Variants in NRP2 observed in about 807,000 individuals in gnomAD.
NRP2 encodes the protein neuropilin 2, also known as neuropilin-2.
NRP2 carries 52 observed loss-of-function variants against 110.4 expected under a neutral mutation model. That is an observed-to-expected ratio of 0.47 (90% CI 0.38 to 0.59). The LOEUF (loss-of-function observed/expected upper bound fraction) is 0.59, where lower values mean the gene tolerates loss of function less well. Among genes scored for constraint, NRP2 ranks in the 20% least tolerant of loss-of-function variants. The probability of loss-of-function intolerance (pLI) is 0.00; values close to 1 mark genes in which losing one functional copy is unlikely to be tolerated. For missense variants in NRP2, 1,049 were observed against 1,203.0 expected (o/e 0.87, Z 1.89); for synonymous variants, 508 against 468.9 (o/e 1.08, Z -1.08).
At chr2:205,784,160 C>T (rs936182581) in intron 15 of NRP2, among the ~76,000 whole-genome samples, 2 of 152,184 alleles carry the variant, frequency 1.3e-5, no homozygotes, top group Non-Finnish European at 2.9e-5. Context: ...ATACCAGTTT[C>T]TTTCTCCAGC....
chr2:205,706,889 G>A (rs1200961737), intron 2 of NRP2, among the ~76,000 whole-genome samples: 2 of 152,128 alleles, frequency 1.3e-5, no homozygotes, highest in African/African-American at 4.8e-5. Flanking sequence ...TCCACTGGTC[G>A]CTACAATATT....
chr2:205,770,915 C>T (rs2058012453), intron 15 of NRP2, among the ~76,000 whole-genome samples: 1 of 152,178 alleles, frequency 6.6e-6, no homozygotes, highest in Non-Finnish European at 1.5e-5. Flanking sequence ...TTCGCTGGAG[C>T]ATGCCACCTC....
intron 2 of NRP2, chr2:205,697,967 A>G (rs183012662): frequency 8.5e-5 from 46 of 539,606 alleles, no homozygotes; most frequent in African/African-American, 8.2e-4. Context: ...ACCTACCTCC[A>G]AAGGCCGGTA....
At chr2:205,780,793 C>T (rs902717957) in intron 15 of NRP2, among the ~76,000 whole-genome samples, 4 of 152,184 alleles carry the variant, frequency 2.6e-5, no homozygotes, top group Non-Finnish European at 4.4e-5. Context: ...CCAAGTGCTG[C>T]TAAAAGGAGA....
intron 7 of NRP2, among the ~76,000 whole-genome samples, chr2:205,737,467 C>T (rs1168810870): frequency 6.6e-6 from 1 of 152,196 alleles, no homozygotes; most frequent in Non-Finnish European, 1.5e-5. Context: ...CACTTATGAG[C>T]TAATTAGCCG....
intron 15 of NRP2, chr2:205,768,384 G>A (rs1314179259): frequency 2.0e-5 from 3 of 152,256 alleles, no homozygotes; most frequent in South Asian, 2.1e-4. Context: ...TGTTTCGCCT[G>A]ACTCTCTTTG....
At chr2:205,710,887 A>G (rs1222198901) in intron 2 of NRP2, among the ~76,000 whole-genome samples, 1 of 152,236 alleles carries the variant, frequency 6.6e-6, no homozygotes, top group Non-Finnish European at 1.5e-5. Context: ...TGGAACTTTG[A>G]AAGTGTGAGA....
At chr2:205,683,901 G>A (rs2056079689) in intron 1 of NRP2, among the ~76,000 whole-genome samples, 1 of 152,318 alleles carries the variant, frequency 6.6e-6, no homozygotes, top group African/African-American at 2.4e-5. Flanking sequence ...GGCTCAGGCT[G>A]GTGGAGCAAG....
At chr2:205,685,569 G>A (rs2056131542) in intron 1 of NRP2, among the ~76,000 whole-genome samples, 1 of 152,156 alleles carries the variant, frequency 6.6e-6, no homozygotes, top group African/African-American at 2.4e-5. Flanking sequence ...GTCGCGGCGC[G>A]CGGCACCTTG....
intron 13 of NRP2, 103 bp from the exon 14 acceptor site, chr2:205,765,369 TAC>T: frequency 1.7e-5 from 12 of 710,410 alleles, no homozygotes; most frequent in Non-Finnish European, 2.9e-5. Flanking sequence ...CACACACACA[TAC>T]ACACACACGC....
chr2:205,720,121 A>G (rs1464392100), intron 3 of NRP2, among the ~76,000 whole-genome samples: 1 of 152,202 alleles, frequency 6.6e-6, no homozygotes, highest in Non-Finnish European at 1.5e-5. Context: ...ACGATTAGAG[A>G]TGAATGCATG....
chr2:205,711,141 G>A (rs779378206), intron 2 of NRP2, among the ~76,000 whole-genome samples: 3 of 152,164 alleles, frequency 2.0e-5, no homozygotes, highest in Admixed American at 6.5e-5. Flanking sequence ...ATCGTAGCAC[G>A]CATTCTTCTC....
intron 1 of NRP2, among the ~76,000 whole-genome samples, chr2:205,691,669 T>A (rs1394081677): frequency 2.6e-5 from 4 of 152,202 alleles, no homozygotes; most frequent in African/African-American, 7.2e-5. Flanking sequence ...AAATTATTCT[T>A]CTGTTTCCTT....
intron 11 of NRP2, among the ~76,000 whole-genome samples, chr2:205,751,364 G>A (rs979930500): frequency 1.3e-5 from 2 of 151,922 alleles, no homozygotes; most frequent in East Asian, 1.9e-4. Context: ...GTAGAATTTG[G>A]TTCCTGAGAT....
intron 13 of NRP2, 24 bp from the exon 14 acceptor site, chr2:205,765,450 G>A (rs1559356631): frequency 2.5e-6 from 4 of 1,602,432 alleles, no homozygotes; most frequent in Admixed American, 1.7e-5. Flanking sequence ...AGTTAACCAT[G>A]GCTCTTATTC....
chr2:205,744,921 T>C (rs148606793), intron 9 of NRP2, among the ~76,000 whole-genome samples: 18 of 152,304 alleles, frequency 1.2e-4, no homozygotes, highest in African/African-American at 4.3e-4. Flanking sequence ...ATCTTTGCCA[T>C]TGTGGGAGAC....
At chr2:205,724,162 A>G (rs60607449) in intron 5 of NRP2, among the ~76,000 whole-genome samples, 2 of 141,062 alleles carry the variant, frequency 1.4e-5, no homozygotes, top group African/African-American at 4.9e-5. Flanking sequence ...AAATATATAT[A>G]TGTGTGTAAC....
chr2:205,787,185 T>C (rs938658801), intron 15 of NRP2, among the ~76,000 whole-genome samples: 1 of 152,144 alleles, frequency 6.6e-6, no homozygotes, highest in African/African-American at 2.4e-5. Context: ...GTCAAGGCTC[T>C]GACACCTGAG....
intron 15 of NRP2, among the ~76,000 whole-genome samples, chr2:205,769,266 C>T (rs2057978611): frequency 6.6e-6 from 1 of 152,076 alleles, no homozygotes; most frequent in Non-Finnish European, 1.5e-5. Flanking sequence ...TTTCTTTTCC[C>T]TTATAAATTA....
Sources: allele counts gnomAD v4.1 joint callset (sites outside exome capture counted in the v4.1 genomes callset), GRCh38; gene constraint gnomAD v4.1.1; transcripts MANE v1.5; gene names NCBI Gene and HGNC (gene_info 2026-07-23, HGNC 2026-07-21).